LIPC: variants seen among roughly 807,000 people sequenced by gnomAD.
LIPC encodes the protein lipase C, hepatic type.
Under a neutral mutation model 50.7 loss-of-function variants are expected in LIPC, and 44 were observed. That is an observed-to-expected ratio of 0.87 (90% CI 0.68 to 1.11). LIPC has a LOEUF of 1.11. Among genes scored for constraint, LIPC ranks in the 50% most tolerant of loss-of-function variants. The pLI is 0.00. For missense variants in LIPC, 697 were observed against 648.2 expected (o/e 1.08, Z -0.82); for synonymous variants, 271 against 256.4 (o/e 1.06, Z -0.54).
intron 1 of LIPC, among the ~76,000 whole-genome samples, chr15:58,471,441 C>T (rs1004070163): frequency 6.6e-6 from 1 of 151,982 alleles, no homozygotes; most frequent in South Asian, 2.1e-4. Context: ...AGCCATCACA[C>T]CCAGCTGATA....
chr15:58,449,737 G>A (rs935335378), intron 1 of LIPC, among the ~76,000 whole-genome samples: 20 of 152,040 alleles, frequency 1.3e-4, no homozygotes, highest in Admixed American at 3.9e-4. Context: ...ACAGGGTTTC[G>A]CCATGTTGGC....
At chr15:58,512,369 T>C (rs959622841) in intron 1 of LIPC, among the ~76,000 whole-genome samples, 1 of 152,232 alleles carries the variant, frequency 6.6e-6, no homozygotes, top group Non-Finnish European at 1.5e-5. Context: ...AAAGTGTTGT[T>C]GGGATTACAG....
chr15:58,462,550 C>A (rs1274224663), intron 1 of LIPC, among the ~76,000 whole-genome samples: 1 of 152,210 alleles, frequency 6.6e-6, no homozygotes, highest in Non-Finnish European at 1.5e-5. Flanking sequence ...CCTTCCCTTA[C>A]TGGACCCCAG....
chr15:58,495,317 C>T (rs1336351430), intron 1 of LIPC, among the ~76,000 whole-genome samples: 1 of 152,220 alleles, frequency 6.6e-6, no homozygotes, highest in Non-Finnish European at 1.5e-5. Flanking sequence ...GGCCTCCTCC[C>T]TTTCCTGCCC....
rs139132614 is a variant in LIPC at position 58,535,944 on chromosome 15, T to C, written c.89-2389T>C. 7.2e-5 allele frequency among the ~76,000 whole-genome samples: 11 copies of C among 152,356 alleles called. No individual in the cohort carries two copies. The East Asian group carries it at 2.1e-3, about 29-fold the overall frequency. The stretch of plus-strand genomic sequence containing the variant: ...TGGCTGAAGATTGAGTGCCAGCCTT[T>C]GATCCAAGATCTGGATCTGGCAGGA... On this transcript the variant is annotated intron_variant, in intron 1 of 8. Coordinates refer to ENST00000299022, the MANE Select transcript of LIPC (RefSeq NM_000236.3).
intron 1 of LIPC, among the ~76,000 whole-genome samples, chr15:58,507,610 A>C (rs1892194052): frequency 6.6e-6 from 1 of 152,192 alleles, no homozygotes; most frequent in East Asian, 1.9e-4. Context: ...CTCTAGGACA[A>C]ATTTCAGCTT....
At chr15:58,560,531 C>T (rs1894124496) in intron 6 of LIPC, among the ~76,000 whole-genome samples, 1 of 152,174 alleles carries the variant, frequency 6.6e-6, no homozygotes, top group Non-Finnish European at 1.5e-5. Context: ...AGACCCTCAC[C>T]AAACACATGA....
intron 1 of LIPC, among the ~76,000 whole-genome samples, chr15:58,475,741 G>C (rs1418818764): frequency 4.6e-5 from 7 of 152,248 alleles, no homozygotes; most frequent in African/African-American, 1.7e-4. Flanking sequence ...GAGCCACTGA[G>C]AGATTACATG....
chr15:58,535,369 T>C (rs1281227533), intron 1 of LIPC, among the ~76,000 whole-genome samples: 1 of 152,206 alleles, frequency 6.6e-6, no homozygotes, highest in African/African-American at 2.4e-5. Context: ...CACATACCTG[T>C]ATACAGTATA....
rs111502773 is a variant in LIPC, at chr15:58,439,600, C to T, written c.88+7480C>T. Among the ~76,000 whole-genome samples the T allele has an allele frequency of 9.8e-5, 15 of 152,306 alleles. No homozygotes were observed. In the East Asian group the frequency reaches 1.5e-3, roughly 16 times the overall value. The stretch of plus-strand genomic sequence containing the variant: ...CCGCGATTACAGACACACAACACCA[C>T]GCCCAGCTATTTTTTGTACTTTTAG... On this transcript the variant is annotated intron_variant, in intron 1 of 8. Coordinates refer to ENST00000299022, the MANE Select transcript of LIPC (RefSeq NM_000236.3).
intron 1 of LIPC, chr15:58,435,821 G>C: frequency 6.6e-6 from 1 of 152,206 alleles, no homozygotes; most frequent in Admixed American, 6.5e-5. Flanking sequence ...TGAGGCAGGA[G>C]AATTGCTTGA....
At chr15:58,515,552 A>ATC (rs1566935664) in intron 1 of LIPC, among the ~76,000 whole-genome samples, 15 of 151,052 alleles carry the variant, frequency 9.9e-5, no homozygotes, top group South Asian at 4.2e-4. Context: ...ATATATATAT[A>ATC]TCTCAAAATA....
chr15:58,497,299 CCA>C (rs1891807071), intron 1 of LIPC, among the ~76,000 whole-genome samples: 1 of 152,174 alleles, frequency 6.6e-6, no homozygotes, highest in Non-Finnish European at 1.5e-5. Context: ...CCCTCCCCTG[CCA>C]CCCGTGGTGG....
chr15:58,543,648 T>C (rs538714819), intron 4 of LIPC, among the ~76,000 whole-genome samples: 3 of 152,280 alleles, frequency 2.0e-5, no homozygotes, highest in East Asian at 3.9e-4. Flanking sequence ...CATTTTTTTT[T>C]CTTTTGAGAC....
chr15:58,449,556 CTT>C (rs766486784), intron 1 of LIPC, among the ~76,000 whole-genome samples: 14 of 142,602 alleles, frequency 9.8e-5, no homozygotes, highest in Non-Finnish European at 7.7e-5. Flanking sequence ...TGCATTTGTT[CTT>C]TTTTTTTTTT....
intron 2 of LIPC, among the ~76,000 whole-genome samples, chr15:58,541,404 G>T (rs1260424744): frequency 2.0e-5 from 3 of 150,422 alleles, no homozygotes; most frequent in African/African-American, 4.9e-5. Context: ...CAGCTTCCAG[G>T]ACCTGATTTA....
intron 1 of LIPC, among the ~76,000 whole-genome samples, chr15:58,474,999 A>G (rs765070699): frequency 8.5e-5 from 13 of 152,110 alleles, no homozygotes; most frequent in South Asian, 4.1e-4. Context: ...AAGGAAACCA[A>G]TGAGTTCTCA....
At chr15:58,505,101 G>A (rs1869144) in intron 1 of LIPC, among the ~76,000 whole-genome samples, 88,487 of 152,076 alleles carry the variant, frequency 0.58, 25,980 homozygotes, top group East Asian at 0.72. Flanking sequence ...GTTTTCTGGG[G>A]CATCTGAAAC....
intron 6 of LIPC, among the ~76,000 whole-genome samples, chr15:58,557,865 C>G (rs1444289707): frequency 2.0e-5 from 3 of 152,194 alleles, no homozygotes; most frequent in African/African-American, 7.2e-5. Context: ...CACATCTTAC[C>G]CCCTCCCCCA....
Sources: allele counts gnomAD v4.1 joint callset (sites outside exome capture counted in the v4.1 genomes callset), GRCh38; gene constraint gnomAD v4.1.1; transcripts MANE v1.5; gene names NCBI Gene and HGNC (gene_info 2026-07-23, HGNC 2026-07-21).